The following SCUBE3 variants were observed in gnomAD, a reference collection of about 807,000 sequenced individuals.
SCUBE3 encodes signal peptide, CUB domain and EGF like domain containing 3.
In SCUBE3, 33 loss-of-function variants were observed where a neutral mutation model predicts 116.8. The observed-to-expected ratio is 0.28, with a 90% CI of 0.21 to 0.38. The LOEUF (loss-of-function observed/expected upper bound fraction) is 0.38. Ranked by LOEUF, SCUBE3 falls within the 10% of genes least tolerant of loss-of-function variation. The probability of loss-of-function intolerance (pLI) is 1.00; values close to 1 mark genes in which losing one functional copy is unlikely to be tolerated. For missense variants in SCUBE3, 1,007 were observed against 1,324.8 expected, an observed-to-expected ratio of 0.76 and a Z score of 3.72; for synonymous variants, 418 against 496.9, an observed-to-expected ratio of 0.84 and a Z score of 2.11.
intron 21 of SCUBE3, 116 bp downstream of exon 21, chr6:35,246,401 G>A: frequency 1.3e-6 from 1 of 761,580 alleles, no homozygotes; most frequent in Non-Finnish European, 2.2e-6. Context: ...ATAGCTCTAT[G>A]AGGTAGGTGC....
Position 35,243,659 on chromosome 6 carries a change from A to G in SCUBE3, c.1975A>G (p.Thr659Ala). 1 of 1,614,080 alleles carries G rather than the reference A, an allele frequency of 6.2e-7. No homozygotes were observed. The highest frequency in any genetic ancestry group is 8.5e-7 in the Non-Finnish European group (1 of 1,179,982). The stretch of plus-strand genomic sequence containing the variant: ...GCAGTGTGTGCCATGCCCAGCGGGC[A>G]CCTTCCAGGAGAGAGAAGGGCAGCT... ...TEQCVPCPAG[T>A]FQEREGQLSC... Residue 659 changes from threonine to alanine, a missense_variant, in exon 16 of 22, where the codon ACC becomes GCC. This residue lies in a region of SCUBE3 where 544 missense variants were observed against 638.9 expected (regional missense o/e 0.85). Coordinates refer to ENST00000274938, the MANE Select transcript of SCUBE3 (RefSeq NM_152753.4). This position sits in a 1 kb window ranked among gnomAD's most constrained non-coding sequence, Gnocchi z 6.6.
chr6:35,227,259 T>C (rs1057276877), intron 1 of SCUBE3, among the ~76,000 whole-genome samples: 2 of 152,216 alleles, frequency 1.3e-5, no homozygotes, highest in African/African-American at 4.8e-5. Context: ...AGTTGATTAT[T>C]CCTAATCAAG....
intron 21 of SCUBE3, among the ~76,000 whole-genome samples, 163 bp downstream of exon 21, chr6:35,246,448 G>T (rs1161232078): frequency 1.3e-5 from 2 of 152,154 alleles, no homozygotes; most frequent in African/African-American, 4.8e-5. Context: ...GAAAACTGGG[G>T]TATAGAGAGT....
rs1784488065 is a variant in SCUBE3 at position 35,249,760 on chromosome 6, G to A, written c.*1055G>A. The A allele has an allele frequency of 6.6e-6, 1 of 152,636 alleles. No individual in the cohort carries two copies. The highest frequency in any genetic ancestry group is 2.4e-5 in the African/African-American group (1 of 41,440). The allele number at this position is 152,636 out of a possible 1,614,324, so 9.5% of individuals were successfully genotyped here. A position where few individuals can be genotyped will look rare whatever the true frequency, so the allele number is the denominator to read the frequency against. Reference sequence around the variant, plus strand: ...CTGGCTTGTGGGCTTCACCAAAGAGGACCCCACTCTGAAGCCAGCCTGGAG... The same window carrying A: ...CTGGCTTGTGGGCTTCACCAAAGAGAACCCCACTCTGAAGCCAGCCTGGAG... On this transcript the variant is annotated 3_prime_UTR_variant, in exon 22 of 22. Transcript: ENST00000274938.
At position 35,244,851 on chromosome 6, in the gene SCUBE3, G is replaced by C; in HGVS notation, c.2401+40G>C. The C allele has an allele frequency of 6.2e-7, 1 of 1,601,870 alleles. No individual in the cohort carries two copies. The highest frequency in any genetic ancestry group is 8.5e-7 in the Non-Finnish European group (1 of 1,169,612). ...AGGCTGTGCAAAAGGGAGGAGAGAG[G>C]CCTGGGAGCAGTGGACATCTAAAGG... On this transcript the variant is annotated intron_variant, in intron 18 of 21. Coordinates refer to ENST00000274938, the MANE Select transcript of SCUBE3 (RefSeq NM_152753.4). This position sits in a 1 kb window ranked among gnomAD's most constrained non-coding sequence, Gnocchi z 4.3.
Position 35,250,380 on chromosome 6 carries a change from C to CA in SCUBE3, c.*1676dup, listed in dbSNP as rs1398228441. On this transcript the variant is annotated 3_prime_UTR_variant, in exon 22 of 22. Coordinates refer to ENST00000274938, the MANE Select transcript of SCUBE3 (RefSeq NM_152753.4). Reference sequence around the variant, plus strand: ...CACATGGAAGAGGACCAGGACATACCACCTGGGGATGGGCTGACTCAGGGT... The same window carrying CA: ...CACATGGAAGAGGACCAGGACATACCAACCTGGGGATGGGCTGACTCAGGGT... 1 of 152,262 alleles carries CA rather than the reference C, an allele frequency of 6.6e-6. No individual in the cohort carries two copies. The highest frequency in any genetic ancestry group is 2.1e-4 in the South Asian group (1 of 4,822). The allele number at this position is 152,262 out of a possible 1,614,324, so 9.4% of individuals were successfully genotyped here. A position where few individuals can be genotyped will look rare whatever the true frequency, so the allele number is the denominator to read the frequency against.
intron 13 of SCUBE3, 90 bp from the exon 14 acceptor site, chr6:35,242,531 GT>G: frequency 1.7e-6 from 2 of 1,211,104 alleles, no homozygotes; most frequent in South Asian, 2.7e-5. Flanking sequence ...TTGAGAGATA[GT>G]TACAGTTAGA....
At position 35,243,725 on chromosome 6, in the gene SCUBE3, C is replaced by T; in HGVS notation, c.2041C>T (p.Leu681Phe). 6.2e-7 allele frequency: 1 copy of T among 1,614,112 alleles called. No homozygotes were observed. Among genetic ancestry groups the T allele is most frequent in the Non-Finnish European group, 8.5e-7 (1 of 1,179,986 alleles). ...LCPGSDAHGP[L>F]GATNVTTCAG... ...CCCTGGGAGTGATGCCCACGGGCCT[C>T]TTGGAGCCACCAACGTCACCACGTG... The change falls in exon 16 of 22, where the codon CTT becomes TTT. Residue 681 changes from leucine (L) to phenylalanine (F), a missense_variant. Coordinates refer to ENST00000274938, the MANE Select transcript of SCUBE3 (RefSeq NM_152753.4). This position sits in a 1 kb window ranked among gnomAD's most constrained non-coding sequence, Gnocchi z 6.6.
Position 35,231,847 on chromosome 6 carries a change from C to A in SCUBE3, c.457C>A (p.Gln153Lys). ...FLSDNQHTCI[Q>K]RPEEGMNCMN... ...CAGCGACAACCAGCATACCTGTATC[C>A]AGCGGCCAGAAGGTCAGCCCATGAC... Residue 153 changes from glutamine (Q) to lysine (K), a missense_variant, in exon 4 of 22, where the codon CAG becomes AAG. Transcript: ENST00000274938. The surrounding 1 kb of genome is among the most constrained non-coding windows in gnomAD (Gnocchi z 4.2). The A allele has an allele frequency of 6.2e-7, 1 of 1,611,460 alleles. No homozygotes were observed. The highest frequency in any genetic ancestry group is 8.5e-7 in the Non-Finnish European group (1 of 1,177,994).
chr6:35,241,362 T>A lies in SCUBE3; in HGVS notation c.1195+96T>A. The A allele has an allele frequency of 1.4e-6, 2 of 1,403,296 alleles. No homozygotes were observed. The highest frequency in any genetic ancestry group is 2.0e-6 in the Non-Finnish European group (2 of 1,014,016). The allele number at this position is 1,403,296 out of a possible 1,614,324, so 86.9% of individuals were successfully genotyped here. On this transcript the variant is annotated intron_variant, in intron 10 of 21. Transcript: ENST00000274938. The surrounding 1 kb of genome is among the most constrained non-coding windows in gnomAD (Gnocchi z 4.1). Reference sequence around the variant, plus strand: ...TAGAGTATCACATTGGGGAAAGGTGTGAGGTGGAAAGGGTGGAGAATGTAG... The same window carrying A: ...TAGAGTATCACATTGGGGAAAGGTGAGAGGTGGAAAGGGTGGAGAATGTAG...
At chr6:35,218,813 C>A (rs953695331) in intron 1 of SCUBE3, among the ~76,000 whole-genome samples, 1 of 152,144 alleles carries the variant, frequency 6.6e-6, no homozygotes. Context: ...GTTCCTATGC[C>A]CACCCAATGC....
Position 35,241,915 on chromosome 6 carries a change from G to A in SCUBE3, c.1417+5G>A, listed in dbSNP as rs765999906. ...CCAACTCCAACCACTGCCATGGTAA[G>A]CACCAGCCCAGAAGCCCTGTTCCCA... On this transcript the variant is annotated splice_donor_5th_base_variant and intron_variant, in intron 12 of 21. Transcript: ENST00000274938. This position sits in a 1 kb window ranked among gnomAD's most constrained non-coding sequence, Gnocchi z 4.1. 1.3e-6 allele frequency: 2 copies of A among 1,594,456 alleles called. No homozygotes were observed. The highest frequency in any genetic ancestry group is 4.5e-5 in the East Asian group (2 of 44,836).
chr6:35,245,721 T>G lies in SCUBE3; in HGVS notation c.2600-223T>G, dbSNP rs960551142. 6.6e-6 allele frequency among the ~76,000 whole-genome samples: 1 copy of G among 152,164 alleles called. No homozygotes were observed. The highest frequency in any genetic ancestry group is 2.4e-5 in the African/African-American group (1 of 41,420). On this transcript the variant is annotated intron_variant, in intron 19 of 21. Transcript: ENST00000274938. This position sits in a 1 kb window ranked among gnomAD's most constrained non-coding sequence, Gnocchi z 4.2. ...CATTCCATTCATTTAAATGTCATAT[T>G]TATTACACTATGTGAGTGCCCAGGT...
intron 1 of SCUBE3, among the ~76,000 whole-genome samples, chr6:35,215,030 A>T (rs942784296): frequency 6.6e-6 from 1 of 152,116 alleles, no homozygotes; most frequent in African/African-American, 2.4e-5. Context: ...AAATCAACTC[A>T]TCTCTCACCG....
chr6:35,246,109 G>T lies in SCUBE3; in HGVS notation c.2752+13G>T, dbSNP rs201016267. 132 of 1,614,048 alleles carry T rather than the reference G, an allele frequency of 8.2e-5. No homozygotes were observed. The African/African-American group carries it at 1.4e-3, about 17-fold the overall frequency. On this transcript the variant is annotated intron_variant, in intron 20 of 21. Transcript: ENST00000274938. ...GTTACCTATGATGGTAAGCCAAGGA[G>T]GTGGGTGAGAAGGGGAGGTATGTCA...
rs1355133492 is a variant in SCUBE3, at chr6:35,242,277, A to T, written c.1491A>T (p.Arg497=). ...IKDAKCRLHL[R]NKGKTEEAGR... The stretch of plus-strand genomic sequence containing the variant: ...ATGCCAAATGCCGTTTGCACCTGCG[A>T]AACAAAGGCAAAACAGAGGAGGCTG... The change falls in exon 13 of 22, where the codon CGA becomes CGT. Residue 497 remains arginine (R), a synonymous_variant. Coordinates refer to ENST00000274938, the MANE Select transcript of SCUBE3 (RefSeq NM_152753.4). The T allele has an allele frequency of 1.9e-6, 3 of 1,614,094 alleles. No individual in the cohort carries two copies. The South Asian group carries it at 3.3e-5, about 18-fold the overall frequency.
chr6:35,241,095 C>G lies in SCUBE3; in HGVS notation c.1070-46C>G, dbSNP rs760813185. 2 of 1,557,306 alleles carry G rather than the reference C, an allele frequency of 1.3e-6. No individual in the cohort carries two copies. Among genetic ancestry groups the G allele is most frequent in the African/African-American group, 1.4e-5 (1 of 73,844 alleles). ...CTCACTGCCTACTCTCCGGCTCCTC[C>G]TCCAACTCCATCGTTGTTTTTCTGT... On this transcript the variant is annotated intron_variant, in intron 9 of 21. Coordinates refer to ENST00000274938, the MANE Select transcript of SCUBE3 (RefSeq NM_152753.4). The surrounding 1 kb of genome is among the most constrained non-coding windows in gnomAD (Gnocchi z 4.1).
In SCUBE3 at chr6:35,235,480, A is replaced by T; in HGVS notation, c.712+2179A>T. 7.8e-7 allele frequency: 1 copy of T among 1,287,284 alleles called. No individual in the cohort carries two copies. The highest frequency in any genetic ancestry group is 1.0e-6 in the Non-Finnish European group (1 of 986,538). 79.7% of individuals were successfully genotyped at this position (1,287,284 alleles called of 1,614,324 possible). A position where few individuals can be genotyped will look rare whatever the true frequency, so the allele number is the denominator to read the frequency against. ...GGCTAGAGCAGCACATCCCCACTCA[A>T]GCCGTTTCTAATGGTAAATATGTCT... On this transcript the variant is annotated intron_variant, in intron 6 of 21. Coordinates refer to ENST00000274938, the MANE Select transcript of SCUBE3 (RefSeq NM_152753.4). The surrounding 1 kb of genome is among the most constrained non-coding windows in gnomAD (Gnocchi z 4.5).
chr6:35,216,846 G>A (rs901507909), intron 1 of SCUBE3, among the ~76,000 whole-genome samples: 7 of 152,088 alleles, frequency 4.6e-5, no homozygotes, highest in African/African-American at 1.7e-4. Context: ...TCCCACAATG[G>A]GAAAACCAAA....
Sources: allele counts gnomAD v4.1 joint callset (sites outside exome capture counted in the v4.1 genomes callset), GRCh38; gene constraint gnomAD v4.1.1; regional missense constraint gnomAD v4.1.1; non-coding constraint Gnocchi (gnomAD v3.1); transcripts MANE v1.5; gene names NCBI Gene and HGNC (gene_info 2026-07-23, HGNC 2026-07-21).